The following SLC35F1 variants were observed in gnomAD, a reference collection of about 807,000 sequenced individuals.
SLC35F1 encodes the protein chromosome 6 open reading frame 169.
A neutral mutation model predicts 48.7 loss-of-function variants in SLC35F1; 14 were observed. That is an observed-to-expected ratio of 0.29 (90% CI 0.19 to 0.45). The LOEUF (loss-of-function observed/expected upper bound fraction) is 0.45. SLC35F1 is among the 20% of genes least tolerant of loss of function. The pLI is 1.00. For missense variants in SLC35F1, 404 were observed against 500.0 expected, an observed-to-expected ratio of 0.81 and a Z score of 1.83; for synonymous variants, 190 against 202.2, an observed-to-expected ratio of 0.94 and a Z score of 0.51.
intron 1 of SLC35F1, among the ~76,000 whole-genome samples, chr6:118,093,258 G>A (rs1773102888): frequency 1.3e-5 from 2 of 152,092 alleles, no homozygotes; most frequent in African/African-American, 2.4e-5. Context: ...GGTGCTTGCA[G>A]TGAGTGGAGA....
intron 1 of SLC35F1, among the ~76,000 whole-genome samples, chr6:118,053,712 CACTT>C (rs1377809021): frequency 6.6e-6 from 1 of 152,126 alleles, no homozygotes; most frequent in African/African-American, 2.4e-5. Context: ...GAAGCACTAG[CACTT>C]ACTTAAACAT....
At chr6:118,154,356 T>A in intron 1 of SLC35F1, 89 bp from the exon 2 acceptor site, 1 of 1,120,354 alleles carries the variant, frequency 8.9e-7, no homozygotes, top group South Asian at 1.6e-5. Context: ...ATCCAGTGCA[T>A]GCTACCAGTG....
intron 1 of SLC35F1, among the ~76,000 whole-genome samples, chr6:117,947,427 G>A (rs915339687): frequency 6.6e-6 from 1 of 152,154 alleles, no homozygotes; most frequent in Non-Finnish European, 1.5e-5. Context: ...AGCACAATGA[G>A]TCATTTGGGG....
At chr6:118,309,204 CGTGT>C (rs925547743) in intron 7 of SLC35F1, among the ~76,000 whole-genome samples, 9 of 106,094 alleles carry the variant, frequency 8.5e-5, no homozygotes, top group Admixed American at 4.6e-4. Flanking sequence ...TGTGTGTGTG[CGTGT>C]GTGTATTTTT....
At chr6:118,175,183 A>T (rs1246740835) in intron 2 of SLC35F1, among the ~76,000 whole-genome samples, 1 of 152,164 alleles carries the variant, frequency 6.6e-6, no homozygotes, top group Non-Finnish European at 1.5e-5. Flanking sequence ...TTCAGTCCAT[A>T]TCAAAGTATA....
At chr6:118,068,175 T>C (rs1021487488) in intron 1 of SLC35F1, among the ~76,000 whole-genome samples, 14 of 152,122 alleles carry the variant, frequency 9.2e-5, no homozygotes, top group African/African-American at 3.4e-4. Flanking sequence ...CCGCCCACAG[T>C]GAGGGCAGAT....
At chr6:117,987,743 T>C (rs1418885167) in intron 1 of SLC35F1, among the ~76,000 whole-genome samples, 2 of 152,192 alleles carry the variant, frequency 1.3e-5, no homozygotes, top group African/African-American at 4.8e-5. Flanking sequence ...GCTGCTTGGA[T>C]AGTAAAGTGC....
intron 1 of SLC35F1, among the ~76,000 whole-genome samples, chr6:118,086,164 A>T (rs1772987060): frequency 6.6e-6 from 1 of 152,224 alleles, no homozygotes; most frequent in African/African-American, 2.4e-5. Flanking sequence ...ATGTAAAAAA[A>T]ATAAATTTCC....
intron 1 of SLC35F1, among the ~76,000 whole-genome samples, chr6:118,096,846 C>T (rs1773183806): frequency 6.6e-6 from 1 of 152,090 alleles, no homozygotes; most frequent in South Asian, 2.1e-4. Flanking sequence ...GCTCTTTTTC[C>T]ACTATGCCCC....
chr6:118,106,166 G>C (rs1773324580), intron 1 of SLC35F1, among the ~76,000 whole-genome samples: 1 of 151,946 alleles, frequency 6.6e-6, no homozygotes, highest in Non-Finnish European at 1.5e-5. Flanking sequence ...CTCACCTCCT[G>C]GTAGACTAGA....
At chr6:117,984,981 A>G (rs750493778) in intron 1 of SLC35F1, among the ~76,000 whole-genome samples, 3 of 152,178 alleles carry the variant, frequency 2.0e-5, no homozygotes, top group Non-Finnish European at 4.4e-5. Flanking sequence ...CTTCTACACT[A>G]CTTCTTAATT....
intron 2 of SLC35F1, among the ~76,000 whole-genome samples, chr6:118,196,402 G>T (rs917587412): frequency 1.3e-5 from 2 of 152,062 alleles, no homozygotes; most frequent in African/African-American, 4.8e-5. Flanking sequence ...TGCTTTTGTT[G>T]CCTGTGTTTT....
chr6:118,185,617 T>G (rs1354129430), intron 2 of SLC35F1, among the ~76,000 whole-genome samples: 1 of 152,060 alleles, frequency 6.6e-6, no homozygotes, highest in African/African-American at 2.4e-5. Context: ...TTATAAATAT[T>G]CTATTGAAAA....
At chr6:117,993,440 G>A (rs1727209235) in intron 1 of SLC35F1, among the ~76,000 whole-genome samples, 1 of 152,070 alleles carries the variant, frequency 6.6e-6, no homozygotes. Flanking sequence ...TTCAGTCATT[G>A]TAAATATTCG....
intron 2 of SLC35F1, among the ~76,000 whole-genome samples, chr6:118,185,172 C>G (rs536064334): frequency 6.6e-6 from 1 of 152,176 alleles, no homozygotes; most frequent in Non-Finnish European, 1.5e-5. Context: ...CCCATTTCTT[C>G]CCCCTAGCTC....
chr6:117,923,651 G>GTACACATA lies in SLC35F1; in HGVS notation c.173+15756_173+15757insCATATACA, dbSNP rs1775945161. 2.9e-4 allele frequency among the ~76,000 whole-genome samples: 5 copies of GTACACATA among 17,502 alleles called. 1 individual carries two copies. The highest frequency in any genetic ancestry group is 4.2e-4 in the Non-Finnish European group (5 of 11,786). The allele number at this position is 17,502 out of a possible 152,430, so 11.5% of individuals were successfully genotyped here. On this transcript the variant is annotated intron_variant, in intron 1 of 7. Transcript: ENST00000360388. The stretch of plus-strand genomic sequence containing the variant: ...TACATATATGTACATATGTACATAT[G>GTACACATA]TACATATGTATATATACATATATGT...
intron 1 of SLC35F1, among the ~76,000 whole-genome samples, chr6:118,095,291 G>A (rs1384983684): frequency 6.6e-6 from 1 of 152,212 alleles, no homozygotes; most frequent in East Asian, 1.9e-4. Flanking sequence ...CCAAACAGGT[G>A]CCAGCATTGA....
intron 1 of SLC35F1, among the ~76,000 whole-genome samples, chr6:117,940,375 G>A (rs372589662): frequency 9.9e-5 from 15 of 152,240 alleles, no homozygotes; most frequent in East Asian, 3.9e-4. Flanking sequence ...CTGTCTGTAC[G>A]TGCTGCATTT....
intron 1 of SLC35F1, among the ~76,000 whole-genome samples, chr6:117,910,632 TTGC>T (rs1451595663): frequency 1.3e-5 from 2 of 152,230 alleles, no homozygotes; most frequent in Non-Finnish European, 2.9e-5. Flanking sequence ...CAGCATTCTA[TTGC>T]TGTGGGCTGG....
Sources: allele counts gnomAD v4.1 joint callset (sites outside exome capture counted in the v4.1 genomes callset), GRCh38; gene constraint gnomAD v4.1.1; transcripts MANE v1.5; gene names NCBI Gene and HGNC (gene_info 2026-07-23, HGNC 2026-07-21).